The following RBFOX1 variants were observed in gnomAD, a reference collection of about 807,000 sequenced individuals.
RBFOX1 encodes RNA binding protein fox-1 homolog 1.
In RBFOX1, 8 loss-of-function variants were observed where a neutral mutation model predicts 57.7. The observed-to-expected ratio is 0.14, with a 90% CI of 0.08 to 0.25. The LOEUF is 0.25. RBFOX1 is among the 10% of genes least tolerant of loss of function. RBFOX1 has a pLI of 1.00. For missense variants in RBFOX1, 611 were observed against 548.5 expected, an observed-to-expected ratio of 1.11 and a Z score of -1.14; for synonymous variants, 326 against 222.4, an observed-to-expected ratio of 1.47 and a Z score of -4.15.
At chr16:5,649,334 T>A (rs958980533) in intron 3 of RBFOX1, among the ~76,000 whole-genome samples, 1 of 152,068 alleles carries the variant, frequency 6.6e-6, no homozygotes, top group Non-Finnish European at 1.5e-5. Flanking sequence ...TATGCCTGGC[T>A]AATTTTTATA....
chr16:7,042,658 G>C (rs1333669659), intron 3 of RBFOX1, among the ~76,000 whole-genome samples: 1 of 152,238 alleles, frequency 6.6e-6, no homozygotes, highest in Non-Finnish European at 1.5e-5. Context: ...AGGTGCAGTG[G>C]CTTGCGCCTG....
At chr16:6,789,284 C>A (rs752655820) in intron 3 of RBFOX1, among the ~76,000 whole-genome samples, 2 of 152,172 alleles carry the variant, frequency 1.3e-5, no homozygotes, top group African/African-American at 2.4e-5. Flanking sequence ...AACTTAAATA[C>A]AGCAGTTGAT....
chr16:5,863,442 G>A (rs545658673), intron 3 of RBFOX1, among the ~76,000 whole-genome samples: 23 of 152,262 alleles, frequency 1.5e-4, no homozygotes, highest in African/African-American at 3.6e-4. Flanking sequence ...TGCAGCTGGC[G>A]TCAGCAACCC....
intron 1 of RBFOX1, among the ~76,000 whole-genome samples, chr16:6,280,869 A>G (rs1429947876): frequency 6.6e-6 from 1 of 151,746 alleles, no homozygotes; most frequent in East Asian, 2.0e-4. Context: ...TTCCTTTGAG[A>G]TTTTTTGTTA....
intron 4 of RBFOX1, among the ~76,000 whole-genome samples, chr16:7,372,936 A>AT (rs137947158): frequency 0.063 from 9,219 of 146,800 alleles, 955 homozygotes; most frequent in African/African-American, 0.22. Flanking sequence ...TAGAAATTGC[A>AT]TTTTTTTTTT....
At chr16:6,465,393 A>G (rs2095024013) in intron 2 of RBFOX1, among the ~76,000 whole-genome samples, 1 of 152,224 alleles carries the variant, frequency 6.6e-6, no homozygotes, top group Admixed American at 6.5e-5. Context: ...CAAGAAAATA[A>G]CAGATTTGAT....
At chr16:7,270,300 G>A (rs2095286314) in intron 4 of RBFOX1, among the ~76,000 whole-genome samples, 1 of 152,172 alleles carries the variant, frequency 6.6e-6, no homozygotes, top group Non-Finnish European at 1.5e-5. Context: ...TGACCTGGAA[G>A]CATCTGTCTG....
chr16:6,468,600 G>A (rs1242231446), intron 2 of RBFOX1, among the ~76,000 whole-genome samples: 1 of 151,556 alleles, frequency 6.6e-6, no homozygotes, highest in Non-Finnish European at 1.5e-5. Context: ...CATCTGTTAA[G>A]TAGCCCTTAA....
chr16:5,240,666 C>G (rs2062143064), intron 1 of RBFOX1, among the ~76,000 whole-genome samples: 1 of 152,178 alleles, frequency 6.6e-6, no homozygotes, highest in Non-Finnish European at 1.5e-5. Context: ...CCAGAAATCG[C>G]TCTCCTCTTT....
At chr16:5,984,398 G>C (rs765481348) in intron 4 of RBFOX1, among the ~76,000 whole-genome samples, 7 of 151,594 alleles carry the variant, frequency 4.6e-5, no homozygotes, top group Non-Finnish European at 7.4e-5. Context: ...AGGAAGCAAA[G>C]AAGGAAAACT....
intron 3 of RBFOX1, among the ~76,000 whole-genome samples, chr16:5,825,720 C>T (rs914700728): frequency 6.6e-6 from 1 of 151,974 alleles, no homozygotes; most frequent in Admixed American, 6.6e-5. Flanking sequence ...AGCAATCACT[C>T]CCTGTTTCCT....
At chr16:7,183,041 A>G (rs548068809) in intron 4 of RBFOX1, among the ~76,000 whole-genome samples, 15 of 152,254 alleles carry the variant, frequency 9.9e-5, no homozygotes, top group South Asian at 4.1e-4. Context: ...ACACAACAAT[A>G]TTTTTGCTTA....
chr16:7,599,817 T>C, intron 9 of RBFOX1, among the ~76,000 whole-genome samples: 1 of 151,648 alleles, frequency 6.6e-6, no homozygotes, highest in East Asian at 2.0e-4. Flanking sequence ...TTTTATTTTT[T>C]GTAGAGACGG....
chr16:5,372,425 C>T (rs766374552), intron 1 of RBFOX1, among the ~76,000 whole-genome samples: 1 of 152,052 alleles, frequency 6.6e-6, no homozygotes, highest in Non-Finnish European at 1.5e-5. Flanking sequence ...CAGTCTCAAA[C>T]ATGTACAATT....
intron 2 of RBFOX1, among the ~76,000 whole-genome samples, chr16:5,540,593 C>T (rs932996627): frequency 6.6e-6 from 1 of 152,160 alleles, no homozygotes. Context: ...CAAATTGTGG[C>T]TCATGAACTG....
At chr16:5,602,948 A>T (rs1334983104), downstream of RBFOX1, among the ~76,000 whole-genome samples, 1 of 152,196 alleles carries the variant, frequency 6.6e-6, no homozygotes, top group Non-Finnish European at 1.5e-5. Context: ...GTTGTCATGG[A>T]AATGCTGTGT....
intron 3 of RBFOX1, among the ~76,000 whole-genome samples, chr16:7,019,266 G>C (rs1461081456): frequency 6.6e-6 from 1 of 151,886 alleles, no homozygotes; most frequent in Non-Finnish European, 1.5e-5. Flanking sequence ...TGGTGCTTGA[G>C]AAAAAAACAG....
In RBFOX1 at chr16:5,956,672, A is replaced by ATTTTTTTTTTT. The variant is rs1309859075; in HGVS notation, c.351+89338_351+89339insTTTTTTTTTTT. Among the ~76,000 whole-genome samples, 4 of 78,378 alleles carry ATTTTTTTTTTT rather than the reference A, an allele frequency of 5.1e-5. 1 individual carries two copies. Among genetic ancestry groups the ATTTTTTTTTTT allele is most frequent in the Non-Finnish European group, 8.4e-5 (4 of 47,524 alleles). 51.4% of individuals were successfully genotyped at this position (78,378 alleles called of 152,430 possible). A position where few individuals can be genotyped will look rare whatever the true frequency, so the allele number is the denominator to read the frequency against. On this transcript the variant is annotated intron_variant, in intron 4 of 19. Transcript: ENST00000641259. ...TATATATATATTTATATATATATAT[A>ATTTTTTTTTTT]TATATATTTTTTTTGAGGCACAGTC...
intron 11 of RBFOX1, among the ~76,000 whole-genome samples, chr16:7,643,908 C>T (rs1568249414): frequency 6.6e-6 from 1 of 152,236 alleles, no homozygotes; most frequent in East Asian, 1.9e-4. Flanking sequence ...CAACAAGAAG[C>T]ATATTGAGAT....
Sources: allele counts gnomAD v4.1 joint callset (sites outside exome capture counted in the v4.1 genomes callset), GRCh38; gene constraint gnomAD v4.1.1; transcripts MANE v1.5; gene names NCBI Gene and HGNC (gene_info 2026-07-23, HGNC 2026-07-21).